ARHGAP6: variants seen among roughly 807,000 people sequenced by gnomAD.
ARHGAP6 encodes Rho GTPase activating protein 6.
Under a neutral mutation model 55.7 loss-of-function variants are expected in ARHGAP6, and 16 were observed. The ratio of observed to expected loss-of-function variants is 0.29; its 90% CI spans 0.19 to 0.44. The LOEUF is 0.44. Ranked by LOEUF, ARHGAP6 falls within the 20% of genes least tolerant of loss-of-function variation. The probability of loss-of-function intolerance (pLI) is 1.00; values close to 1 mark genes in which losing one functional copy is unlikely to be tolerated. For synonymous variants in ARHGAP6, 382 were observed against 360.9 expected, an observed-to-expected ratio of 1.06 and a Z score of -0.66; for missense variants, 698 against 808.9, an observed-to-expected ratio of 0.86 and a Z score of 1.66.
intron 1 of ARHGAP6, among the ~76,000 whole-genome samples, chrX:11,582,201 G>A (rs898578638): frequency 1.4e-4 from 16 of 110,900 alleles, no homozygotes; most frequent in African/African-American, 5.3e-4. Context: ...GATGACCAGT[G>A]GCAAAGCTCA....
chrX:11,213,586 A>G (rs1190535645), intron 2 of ARHGAP6, among the ~76,000 whole-genome samples: 1 of 112,609 alleles, frequency 8.9e-6, no homozygotes, highest in Non-Finnish European at 1.9e-5. Context: ...AAAAGAATGA[A>G]ATCATGTCTT....
chrX:11,288,149 T>A (rs772842169), intron 1 of ARHGAP6, among the ~76,000 whole-genome samples: 4 of 112,923 alleles, frequency 3.5e-5, no homozygotes, highest in African/African-American at 6.4e-5. Context: ...TCCTTATTTA[T>A]TATATCCATT....
Position 11,395,422 on chromosome X carries a change from T to C in ARHGAP6, c.589-140715A>G, listed in dbSNP as rs535839000. ...ACTCAATGGGGCAGCAGTGTGCTGA[T>C]AAAACATTTAACAACTGGTTCTCTG... On this transcript the variant is annotated intron_variant, in intron 1 of 12. Coordinates refer to ENST00000337414, the MANE Select transcript of ARHGAP6 (RefSeq NM_013427.3). 2.0e-4 allele frequency among the ~76,000 whole-genome samples: 22 copies of C among 112,690 alleles called. No homozygotes were observed. In the East Asian group the frequency reaches 3.3e-3, roughly 17 times the overall value.
At chrX:11,394,383 G>A (rs1010509449) in intron 1 of ARHGAP6, among the ~76,000 whole-genome samples, 1 of 111,437 alleles carries the variant, frequency 9.0e-6, no homozygotes, top group Admixed American at 9.5e-5. Context: ...CTGGGGGTGG[G>A]AACAGGGAAT....
chrX:11,537,387 A>G (rs1328405497), intron 1 of ARHGAP6, among the ~76,000 whole-genome samples: 1 of 111,906 alleles, frequency 8.9e-6, no homozygotes, highest in Non-Finnish European at 1.9e-5. Flanking sequence ...CCTCTCAGCA[A>G]AGAATTACCC....
intron 1 of ARHGAP6, among the ~76,000 whole-genome samples, chrX:11,273,270 T>A (rs1461185439): frequency 9.0e-5 from 10 of 111,050 alleles, no homozygotes; most frequent in Non-Finnish European, 1.9e-5. Context: ...AAAAAATCAA[T>A]TATATGGTAA....
At chrX:11,541,191 G>C (rs1174924371) in intron 1 of ARHGAP6, among the ~76,000 whole-genome samples, 1 of 112,091 alleles carries the variant, frequency 8.9e-6, no homozygotes, top group Non-Finnish European at 1.9e-5. Context: ...GGGCTGGTCA[G>C]GGGAAAGAGG....
At position 11,154,419 on chromosome X, in the gene ARHGAP6, A is replaced by G. The variant is rs1318181343; in HGVS notation, c.1907+2110T>C. Among the ~76,000 whole-genome samples, 5 of 112,563 alleles carry G rather than the reference A, an allele frequency of 4.4e-5. No individual in the cohort carries two copies. The Admixed American group carries it at 4.7e-4, about 11-fold the overall frequency. On this transcript the variant is annotated intron_variant, in intron 10 of 12. Coordinates refer to ENST00000337414, the MANE Select transcript of ARHGAP6 (RefSeq NM_013427.3). ...CTTCTTCCTTTTCCTAATAGAAGAG[A>G]AAGAAAGGTTCGCTTTTTACCACAG...
At chrX:11,432,646 G>A (rs1012735419) in intron 1 of ARHGAP6, among the ~76,000 whole-genome samples, 2 of 111,823 alleles carry the variant, frequency 1.8e-5, no homozygotes, top group African/African-American at 6.5e-5. Flanking sequence ...TCTTTTTCAT[G>A]GGGCTACAAA....
At chrX:11,252,235 C>T (rs2047433146) in intron 2 of ARHGAP6, among the ~76,000 whole-genome samples, 1 of 112,700 alleles carries the variant, frequency 8.9e-6, no homozygotes, top group South Asian at 3.7e-4. Context: ...TATCTGTTCC[C>T]TGATATCTTA....
intron 1 of ARHGAP6, among the ~76,000 whole-genome samples, chrX:11,582,570 T>C (rs1203360505): frequency 8.9e-6 from 1 of 111,801 alleles, no homozygotes; most frequent in Non-Finnish European, 1.9e-5. Flanking sequence ...AGTCAAATTC[T>C]ACAAGGGATA....
At chrX:11,435,948 A>T (rs1170835581) in intron 1 of ARHGAP6, among the ~76,000 whole-genome samples, 1 of 112,140 alleles carries the variant, frequency 8.9e-6, no homozygotes. Context: ...GAATAAAAAG[A>T]ATGCTACACG....
chrX:11,313,901 ACT>A (rs1227886052), intron 1 of ARHGAP6, among the ~76,000 whole-genome samples: 2 of 112,210 alleles, frequency 1.8e-5, no homozygotes, highest in Non-Finnish European at 3.8e-5. Context: ...ACCTGGGGTT[ACT>A]TTTTGTTAAA....
At chrX:11,157,178 T>TC (rs759694482) in intron 9 of ARHGAP6, among the ~76,000 whole-genome samples, 4 of 111,970 alleles carry the variant, frequency 3.6e-5, no homozygotes, top group Non-Finnish European at 7.5e-5. Flanking sequence ...TCTTCCTAGA[T>TC]CTCAGTTTGC....
chrX:11,547,722 A>G (rs1049478278), intron 1 of ARHGAP6, among the ~76,000 whole-genome samples: 5 of 112,285 alleles, frequency 4.5e-5, no homozygotes, highest in African/African-American at 1.6e-4. Flanking sequence ...CTCCACCTCA[A>G]TAAAAAAGGC....
rs750113694 is a variant in ARHGAP6 at position 11,431,877 on chromosome X, C to T, written c.589-177170G>A. On this transcript the variant is annotated intron_variant, in intron 1 of 12. Coordinates refer to ENST00000337414, the MANE Select transcript of ARHGAP6 (RefSeq NM_013427.3). ...CCAGTGGTAGACACTGTCATGACTT[C>T]ACTTCTTCACTTCCCTTTTACAGCA... Among the ~76,000 whole-genome samples the T allele has an allele frequency of 7.1e-5, 8 of 112,123 alleles. No homozygotes were observed. In the East Asian group the frequency reaches 2.2e-3, roughly 31 times the overall value.
intron 1 of ARHGAP6, among the ~76,000 whole-genome samples, chrX:11,646,178 G>A (rs773092565): frequency 9.0e-6 from 1 of 111,415 alleles, no homozygotes. Context: ...AAACTCACTC[G>A]CTAACATGAG....
intron 1 of ARHGAP6, among the ~76,000 whole-genome samples, chrX:11,651,261 T>C (rs755523881): frequency 9.0e-6 from 1 of 111,707 alleles, no homozygotes; most frequent in African/African-American, 3.3e-5. Context: ...TACTCATTAG[T>C]TATTTTTCCT....
At chrX:11,313,982 G>T (rs1360952378) in intron 1 of ARHGAP6, among the ~76,000 whole-genome samples, 15 of 112,054 alleles carry the variant, frequency 1.3e-4, no homozygotes, top group African/African-American at 4.9e-4. Context: ...GTATTATCAA[G>T]AATTTTTACA....
Sources: allele counts gnomAD v4.1 joint callset (sites outside exome capture counted in the v4.1 genomes callset), GRCh38; gene constraint gnomAD v4.1.1; transcripts MANE v1.5; gene names NCBI Gene and HGNC (gene_info 2026-07-23, HGNC 2026-07-21).